The following CACNA1D variants were observed in gnomAD, a reference collection of about 807,000 sequenced individuals.
CACNA1D encodes the protein calcium voltage-gated channel subunit alpha1 D.
Under a neutral mutation model 257.1 loss-of-function variants are expected in CACNA1D, and 55 were observed. The observed-to-expected ratio is 0.21, with a 90% CI of 0.17 to 0.27. The LOEUF (loss-of-function observed/expected upper bound fraction) is 0.27. CACNA1D is among the 10% of genes least tolerant of loss of function. The probability of loss-of-function intolerance (pLI) is 1.00; values close to 1 mark genes in which losing one functional copy is unlikely to be tolerated. For missense variants in CACNA1D, 1,876 were observed against 2,784.0 expected, an observed-to-expected ratio of 0.67 and a Z score of 7.34; for synonymous variants, 980 against 1,014.9, an observed-to-expected ratio of 0.97 and a Z score of 0.65.
intron 3 of CACNA1D, among the ~76,000 whole-genome samples, chr3:53,508,030 G>T (rs1322286415): frequency 6.6e-6 from 1 of 152,190 alleles, no homozygotes; most frequent in Non-Finnish European, 1.5e-5. Flanking sequence ...GCACCCTCGG[G>T]TTTCTGAGCC....
In CACNA1D at chr3:53,782,667, A is replaced by G. The variant is rs1043244758; in HGVS notation, c.4792+1000A>G. 6.6e-5 allele frequency: 10 copies of G among 152,210 alleles called. No homozygotes were observed. The South Asian group carries it at 1.2e-3, about 19-fold the overall frequency. 9.4% of individuals were successfully genotyped at this position (152,210 alleles called of 1,614,324 possible). A position where few individuals can be genotyped will look rare whatever the true frequency, so the allele number is the denominator to read the frequency against. On this transcript the variant is annotated intron_variant, in intron 39 of 47. Coordinates refer to ENST00000350061, the MANE Select transcript of CACNA1D (RefSeq NM_001128840.3). ...GCTCCTTAGCATGAAGCGAGAAGCA[A>G]CGTGAGCTTTTGTTGCTGAAGGGGT...
intron 28 of CACNA1D, among the ~76,000 whole-genome samples, chr3:53,752,641 C>A (rs530087416): frequency 6.6e-6 from 1 of 152,202 alleles, no homozygotes; most frequent in Non-Finnish European, 1.5e-5. Flanking sequence ...TCAGGTGATC[C>A]GTTGCCTCAG....
chr3:53,625,512 C>G (rs2093747370), intron 3 of CACNA1D, among the ~76,000 whole-genome samples: 1 of 152,156 alleles, frequency 6.6e-6, no homozygotes, highest in African/African-American at 2.4e-5. Flanking sequence ...CGGTGCTGTT[C>G]CCTCCCCTAG....
At chr3:53,607,767 G>A (rs1310880511) in intron 3 of CACNA1D, among the ~76,000 whole-genome samples, 1 of 152,204 alleles carries the variant, frequency 6.6e-6, no homozygotes. Context: ...TGAATATCCA[G>A]TTGTTCTAGC....
chr3:53,536,067 A>G (rs1410920956), intron 3 of CACNA1D, among the ~76,000 whole-genome samples: 7 of 152,154 alleles, frequency 4.6e-5, no homozygotes, highest in Admixed American at 4.6e-4. Flanking sequence ...ATTATAATGT[A>G]TATGGTTGGA....
chr3:53,612,561 G>A (rs2093594791), intron 3 of CACNA1D, among the ~76,000 whole-genome samples: 1 of 152,172 alleles, frequency 6.6e-6, no homozygotes, highest in Non-Finnish European at 1.5e-5. Context: ...TTTTTGCTTA[G>A]CCTCATGGAG....
intron 14 of CACNA1D, among the ~76,000 whole-genome samples, chr3:53,725,257 A>G (rs1356784926): frequency 2.0e-5 from 3 of 152,160 alleles, no homozygotes; most frequent in African/African-American, 7.2e-5. Flanking sequence ...AGTGTCCTCA[A>G]GAGCCTTCCT....
chr3:53,576,668 T>A (rs2093043991), intron 3 of CACNA1D, among the ~76,000 whole-genome samples: 1 of 152,238 alleles, frequency 6.6e-6, no homozygotes, highest in Non-Finnish European at 1.5e-5. Context: ...CCCTTATTCA[T>A]ATGATTCTTG....
At chr3:53,644,633 T>C (rs1029254513) in intron 3 of CACNA1D, among the ~76,000 whole-genome samples, 1 of 152,238 alleles carries the variant, frequency 6.6e-6, no homozygotes, top group African/African-American at 2.4e-5. Context: ...ACCCATGTTA[T>C]TGCAAATGAC....
Position 53,576,578 on chromosome 3 carries a change from T to C in CACNA1D, c.484-74201T>C, listed in dbSNP as rs1024674919. The stretch of plus-strand genomic sequence containing the variant: ...AGGGAGTTGCTGTGGGAAGACCCCA[T>C]AACCCTTCCAGCCATCACCTCAAAA... On this transcript the variant is annotated intron_variant, in intron 3 of 47. Coordinates refer to ENST00000350061, the MANE Select transcript of CACNA1D (RefSeq NM_001128840.3). 7.2e-5 allele frequency among the ~76,000 whole-genome samples: 11 copies of C among 152,206 alleles called. No homozygotes were observed. In the South Asian group the frequency reaches 1.9e-3, roughly 26 times the overall value.
At chr3:53,759,019 C>T (rs2095284090) in intron 29 of CACNA1D, among the ~76,000 whole-genome samples, 1 of 152,156 alleles carries the variant, frequency 6.6e-6, no homozygotes, top group African/African-American at 2.4e-5. Context: ...CATTTTCTCC[C>T]TCCCCTGGAC....
intron 15 of CACNA1D, 71 bp downstream of exon 15, chr3:53,727,070 C>A: frequency 6.4e-7 from 1 of 1,570,350 alleles, no homozygotes; most frequent in Non-Finnish European, 8.8e-7. Context: ...CTCTGCATTT[C>A]TCTGTGGTGA....
At chr3:53,610,606 G>A (rs1054007234) in intron 3 of CACNA1D, among the ~76,000 whole-genome samples, 16 of 152,200 alleles carry the variant, frequency 1.1e-4, no homozygotes, top group African/African-American at 3.9e-4. Flanking sequence ...TGACAACTCT[G>A]TCTTCCAGTT....
intron 17 of CACNA1D, among the ~76,000 whole-genome samples, chr3:53,731,778 A>G (rs1018853435): frequency 5.9e-5 from 9 of 152,178 alleles, no homozygotes; most frequent in Non-Finnish European, 1.0e-4. Context: ...CAGAGCCCTG[A>G]ATGGTGCTGG....
intron 3 of CACNA1D, among the ~76,000 whole-genome samples, chr3:53,641,615 T>C (rs1412116978): frequency 6.6e-6 from 1 of 152,098 alleles, no homozygotes; most frequent in Non-Finnish European, 1.5e-5. Flanking sequence ...GCATAGAATG[T>C]ACCCTCTGCC....
intron 9 of CACNA1D, chr3:53,710,466 G>A (rs1028408228): frequency 2.2e-5 from 10 of 456,652 alleles, no homozygotes; most frequent in Non-Finnish European, 3.5e-5. Flanking sequence ...GCAACGCAGG[G>A]CTAAAGATCA....
chr3:53,623,961 T>C (rs1157055237), intron 3 of CACNA1D, among the ~76,000 whole-genome samples: 1 of 152,204 alleles, frequency 6.6e-6, no homozygotes. Flanking sequence ...ATTTAAAATA[T>C]ACAGAGTTCT....
intron 3 of CACNA1D, among the ~76,000 whole-genome samples, chr3:53,605,786 A>G (rs1559907188): frequency 6.6e-6 from 1 of 152,226 alleles, no homozygotes; most frequent in East Asian, 1.9e-4. Context: ...ACACTTACCA[A>G]GATCAGTAAA....
chr3:53,703,224 C>G (rs1471096406), intron 9 of CACNA1D, among the ~76,000 whole-genome samples: 1 of 152,220 alleles, frequency 6.6e-6, no homozygotes, highest in Non-Finnish European at 1.5e-5. Flanking sequence ...CCTCTTGACT[C>G]TTACTCTTAG....
Sources: allele counts gnomAD v4.1 joint callset (sites outside exome capture counted in the v4.1 genomes callset), GRCh38; gene constraint gnomAD v4.1.1; transcripts MANE v1.5; gene names NCBI Gene and HGNC (gene_info 2026-07-23, HGNC 2026-07-21).